Variants in AFAP1L2 observed in about 807,000 individuals in gnomAD.
The protein encoded by AFAP1L2 is actin filament-associated protein 1-like 2.
A neutral mutation model predicts 99.3 loss-of-function variants in AFAP1L2; 46 were observed. The ratio of observed to expected loss-of-function variants is 0.46; its 90% CI spans 0.37 to 0.59. The LOEUF is 0.59. Among genes scored for constraint, AFAP1L2 ranks in the 20% least tolerant of loss-of-function variants. AFAP1L2 has a pLI of 0.00. For synonymous variants in AFAP1L2, 397 were observed against 419.1 expected, an observed-to-expected ratio of 0.95 and a Z score of 0.64; for missense variants, 959 against 1,034.9, an observed-to-expected ratio of 0.93 and a Z score of 1.01.
intron 1 of AFAP1L2, among the ~76,000 whole-genome samples, chr10:114,389,673 T>G (rs929884225): frequency 2.0e-5 from 3 of 152,226 alleles, no homozygotes; most frequent in Non-Finnish European, 4.4e-5. Flanking sequence ...CCAGGCTTAT[T>G]CATGCATCTC....
Position 114,297,150 on chromosome 10 carries a change from G to GACCC in AFAP1L2, c.2308-54_2308-51dup. On this transcript the variant is annotated intron_variant, in intron 17 of 18. Transcript: ENST00000304129. ...GGCTGAGTCAAGGGGAGGGAGATGT[G>GACCC]ACCCACCCACCCCAACCCATGTCCA... is the stretch of plus-strand genomic sequence containing the variant. The GACCC allele has an allele frequency of 5.0e-6, 8 of 1,588,082 alleles. No homozygotes were observed. In the South Asian group the frequency reaches 5.6e-5, roughly 11 times the overall value.
At chr10:114,281,715 G>A in the AFAP1L2 span, 15 of 985,094 alleles carry the variant, frequency 1.5e-5, no homozygotes, top group Middle Eastern at 5.2e-4. Flanking sequence ...GCGGGGCTGG[G>A]GCACTGCGGG....
chr10:114,340,820 C>A (rs2048711201), intron 1 of AFAP1L2, 89 bp from the exon 2 acceptor site: 2 of 1,569,306 alleles, frequency 1.3e-6, no homozygotes, highest in Non-Finnish European at 1.8e-6. Context: ...CAGCCTCCCA[C>A]CTCGAACCCT....
chr10:114,284,090 G>A, the AFAP1L2 span, among the ~76,000 whole-genome samples: 3 of 152,298 alleles, frequency 2.0e-5, no homozygotes, highest in East Asian at 5.8e-4. Flanking sequence ...AATTGATAAG[G>A]AAAGCAATGA....
chr10:114,291,134 A>ACGT (rs2039556347), downstream of AFAP1L2: 1 of 1,491,738 alleles, frequency 6.7e-7, no homozygotes, highest in African/African-American at 1.4e-5. Flanking sequence ...TAAGAGCAGG[A>ACGT]CCTGAAGGGG....
intron 1 of AFAP1L2, among the ~76,000 whole-genome samples, chr10:114,358,171 T>C (rs1430223739): frequency 6.6e-6 from 1 of 152,156 alleles, no homozygotes; most frequent in Admixed American, 6.5e-5. Context: ...TTCAATGACC[T>C]CTAAATTCGG....
the AFAP1L2 span, chr10:114,285,976 C>G: frequency 6.2e-7 from 1 of 1,610,414 alleles, no homozygotes; most frequent in Non-Finnish European, 8.5e-7. Context: ...TCGACCTCCT[C>G]TTCCTGCTGG....
chr10:114,294,349 T>TTGAAAAATCTTGTCAGTATC (rs1433747609), downstream of AFAP1L2, among the ~76,000 whole-genome samples: 2 of 152,242 alleles, frequency 1.3e-5, no homozygotes, highest in African/African-American at 4.8e-5. Flanking sequence ...TTTTTATAAT[T>TTGAAAAATCTTGTCAGTATC]TGAAAAATCT....
At chr10:114,350,692 T>G (rs1366201590) in intron 1 of AFAP1L2, among the ~76,000 whole-genome samples, 2 of 152,074 alleles carry the variant, frequency 1.3e-5, no homozygotes, top group Non-Finnish European at 2.9e-5. Context: ...GGCATCTCAC[T>G]CTTGGATGGT....
At chr10:114,310,952 G>GC (rs1554887399) in intron 7 of AFAP1L2, among the ~76,000 whole-genome samples, 1 of 133,832 alleles carries the variant, frequency 7.5e-6, no homozygotes, top group Non-Finnish European at 1.6e-5. Context: ...CTCGCCTGCC[G>GC]CCACCCACCC....
intron 1 of AFAP1L2, among the ~76,000 whole-genome samples, chr10:114,395,389 GCT>G (rs1444151380): frequency 6.6e-6 from 1 of 152,188 alleles, no homozygotes; most frequent in African/African-American, 2.4e-5. Flanking sequence ...GTAGGTCCCA[GCT>G]CTGATACCGG....
chr10:114,307,324 C>T (rs116063888), intron 10 of AFAP1L2, among the ~76,000 whole-genome samples: 282 of 152,190 alleles, frequency 1.9e-3, no homozygotes, highest in Middle Eastern at 6.8e-3. Context: ...CTCAGGTCCA[C>T]AAAGCTATCT....
chr10:114,390,930 T>G (rs55820625), intron 1 of AFAP1L2, among the ~76,000 whole-genome samples: 5,154 of 152,262 alleles, frequency 0.034, 296 homozygotes, highest in African/African-American at 0.12. Flanking sequence ...TTCAGATACT[T>G]GTCAGCCTTT....
At chr10:114,317,773 G>A (rs2044368292) in intron 5 of AFAP1L2, among the ~76,000 whole-genome samples, 1 of 152,118 alleles carries the variant, frequency 6.6e-6, no homozygotes, top group African/African-American at 2.4e-5. Flanking sequence ...GTGGGAGGAT[G>A]GCTTGAGCCC....
At chr10:114,348,464 G>A (rs1257440846) in intron 1 of AFAP1L2, among the ~76,000 whole-genome samples, 1 of 152,090 alleles carries the variant, frequency 6.6e-6, no homozygotes, top group Non-Finnish European at 1.5e-5. Context: ...GATTCATCCC[G>A]GTTGTAATGC....
In AFAP1L2 at chr10:114,315,715, C is replaced by A. The variant is rs766066704; in HGVS notation, c.457G>T (p.Gly153Cys). The A allele has an allele frequency of 6.2e-7, 1 of 1,613,582 alleles. No homozygotes were observed. ...SSYESYDEED[G>C]SKGKSAPYQW... ...TAAGGGGCCGACTTGCCCTTGCTGC[C>A]GTCCTCTTCATCGTAGGACTCGTAG... The change falls in exon 6 of 19, where the codon GGC (glycine) becomes TGC (cysteine). Residue 153 changes from glycine (G) to cysteine (C), a missense_variant. Gly to Cys is a radical substitution (Grantham distance 159, BLOSUM62 -3). Coordinates refer to ENST00000304129, the MANE Select transcript of AFAP1L2 (RefSeq NM_001001936.3).
In AFAP1L2 at chr10:114,301,359, C is replaced by G. The variant is rs780456803; in HGVS notation, c.1537G>C (p.Ala513Pro). ...YDDVDLSELT[A>P]AVEPTEEATP... The stretch of plus-strand genomic sequence containing the variant: ...CTGCCTGGCCGGGTCCTTACCGCAG[C>G]TGTGAGCTCTGACAGGTCCACGTCG... Residue 513 changes from alanine to proline, a missense_variant, in exon 13 of 19, where the codon GCT becomes CCT. This residue lies in a region of AFAP1L2 where 576 missense variants were observed against 562.1 expected (regional missense o/e 1.02). Coordinates refer to ENST00000304129, the MANE Select transcript of AFAP1L2 (RefSeq NM_001001936.3). 3 of 1,613,794 alleles carry G rather than the reference C, an allele frequency of 1.9e-6. No homozygotes were observed. The highest frequency in any genetic ancestry group is 1.7e-6 in the Non-Finnish European group (2 of 1,179,650).
intron 1 of AFAP1L2, among the ~76,000 whole-genome samples, chr10:114,401,753 C>T (rs1214661429): frequency 6.6e-6 from 1 of 152,146 alleles, no homozygotes; most frequent in African/African-American, 2.4e-5. Context: ...TCCAACCACC[C>T]ATCATCTCCA....
At chr10:114,316,488 T>C (rs1442863484) in intron 5 of AFAP1L2, among the ~76,000 whole-genome samples, 1 of 152,230 alleles carries the variant, frequency 6.6e-6, no homozygotes, top group African/African-American at 2.4e-5. Context: ...CCCTGCCTAA[T>C]ACCTCCTGGC....
Sources: allele counts gnomAD v4.1 joint callset (sites outside exome capture counted in the v4.1 genomes callset), GRCh38; gene constraint gnomAD v4.1.1; regional missense constraint gnomAD v4.1.1; transcripts MANE v1.5; gene names NCBI Gene and HGNC (gene_info 2026-07-23, HGNC 2026-07-21).